CRMP1: variants seen among roughly 807,000 people sequenced by gnomAD.
The protein encoded by CRMP1 is dihydropyrimidinase-related protein 1.
CRMP1 carries 19 observed loss-of-function variants against 68.3 expected under a neutral mutation model. The observed-to-expected ratio is 0.28, with a 90% CI of 0.19 to 0.41. The LOEUF is 0.41. Ranked by LOEUF, CRMP1 falls within the 10% of genes least tolerant of loss-of-function variation. CRMP1 has a pLI of 1.00. For missense variants in CRMP1, 791 were observed against 967.4 expected, an observed-to-expected ratio of 0.82 and a Z score of 2.42; for synonymous variants, 439 against 399.6, an observed-to-expected ratio of 1.10 and a Z score of -1.18.
At position 5,834,011 on chromosome 4, in the gene CRMP1, A is replaced by C. The variant is rs554803451; in HGVS notation, c.1623+1904T>G. Among the ~76,000 whole-genome samples, 6 of 152,306 alleles carry C rather than the reference A, an allele frequency of 3.9e-5. No homozygotes were observed. In the South Asian group the frequency reaches 1.2e-3, roughly 32 times the overall value. On this transcript the variant is annotated intron_variant, in intron 11 of 13. Coordinates refer to ENST00000324989, the MANE Select transcript of CRMP1 (RefSeq NM_001014809.3). The surrounding 1 kb of genome is among the most constrained non-coding windows in gnomAD (Gnocchi z 4.3). The stretch of plus-strand genomic sequence containing the variant: ...CAGTGAGCCGAGATTGCGCCACTGC[A>C]CTCCAGCCTGGGCAACAGAGCAAGA...
At chr4:5,832,170 G>A (rs1487730733) in intron 11 of CRMP1, among the ~76,000 whole-genome samples, 1 of 152,186 alleles carries the variant, frequency 6.6e-6, no homozygotes, top group East Asian at 1.9e-4. Context: ...AGGGAATGGG[G>A]GTGAGAGAGA....
At position 5,860,934 on chromosome 4, in the gene CRMP1, A is replaced by G. The variant is rs41264689; in HGVS notation, c.655+92T>C. 0.024 allele frequency: 32,043 copies of G among 1,314,032 alleles called. 1,715 individuals are homozygous for G. The highest frequency in any genetic ancestry group is 0.21 in the African/African-American group (14,283 of 68,588). 81.4% of individuals were successfully genotyped at this position (1,314,032 alleles called of 1,614,324 possible). A position where few individuals can be genotyped will look rare whatever the true frequency, so the allele number is the denominator to read the frequency against. ...TGAAATCCAATGGCACCCTGGGCAG[A>G]GAGCCTCGAACACACTGAGCACTTG... is the stretch of plus-strand genomic sequence containing the variant. On this transcript the variant is annotated intron_variant, in intron 3 of 13. Coordinates refer to ENST00000324989, the MANE Select transcript of CRMP1 (RefSeq NM_001014809.3). This position sits in a 1 kb window ranked among gnomAD's most constrained non-coding sequence, Gnocchi z 4.2.
rs532484477 is a variant in CRMP1, at chr4:5,842,962, T to C, written c.1032+131A>G. On this transcript the variant is annotated intron_variant, in intron 7 of 13. Transcript: ENST00000324989. The surrounding 1 kb of genome is among the most constrained non-coding windows in gnomAD (Gnocchi z 4.5). ...CCCAGGGTTCCCGGGGAAAACAAGA[T>C]GGTTTGGGATGGTCTGGGAGAGGAC... 15 of 800,294 alleles carry C rather than the reference T, an allele frequency of 1.9e-5. No individual in the cohort carries two copies. The African/African-American group carries it at 2.6e-4, about 14-fold the overall frequency. The allele number at this position is 800,294 out of a possible 1,614,324, so 49.6% of individuals were successfully genotyped here.
Position 5,872,647 on chromosome 4 carries a change from G to A in CRMP1, c.382-5891C>T, listed in dbSNP as rs181813703. Among the ~76,000 whole-genome samples the A allele has an allele frequency of 1.6e-4, 25 of 152,238 alleles. No homozygotes were observed. Among genetic ancestry groups the A allele is most frequent in the East Asian group, 9.7e-4 (5 of 5,180 alleles). On this transcript the variant is annotated intron_variant, in intron 1 of 13. Coordinates refer to ENST00000324989, the MANE Select transcript of CRMP1 (RefSeq NM_001014809.3). This position sits in a 1 kb window ranked among gnomAD's most constrained non-coding sequence, Gnocchi z 4.6. ...GGTTGCAGTGAGCTGAGATCGCACC[G>A]CTGCAGTCCAGCCTGGGCAACAGAG...
intron 1 of CRMP1, among the ~76,000 whole-genome samples, chr4:5,875,398 GAA>G (rs10561614): frequency 0.13 from 17,424 of 137,398 alleles, 1,009 homozygotes; most frequent in Middle Eastern, 0.22. Context: ...CTAGATTTTA[GAA>G]AAAAAAAAAA....
chr4:5,837,192 T>C (rs2152458438), intron 9 of CRMP1, among the ~76,000 whole-genome samples: 1 of 152,358 alleles, frequency 6.6e-6, no homozygotes, highest in South Asian at 2.1e-4. Flanking sequence ...GTGTTTGTGC[T>C]GTGCTTGCAG....
intron 4 of CRMP1, among the ~76,000 whole-genome samples, chr4:5,852,774 T>C (rs537250090): frequency 6.6e-6 from 1 of 151,628 alleles, no homozygotes; most frequent in Admixed American, 6.6e-5. Flanking sequence ...AAAGACAACT[T>C]AGTCTGATGA....
intron 12 of CRMP1, chr4:5,827,903 T>G (rs924353600): frequency 4.4e-6 from 2 of 451,780 alleles, no homozygotes; most frequent in African/African-American, 4.3e-5. Flanking sequence ...GCTCTAAAGT[T>G]AGGAATAGAG....
intron 3 of CRMP1, among the ~76,000 whole-genome samples, chr4:5,857,114 C>T (rs199930585): frequency 3.7e-4 from 30 of 82,062 alleles, no homozygotes; most frequent in Admixed American, 1.8e-3. Context: ...ACCACCACCA[C>T]AATCATCACC....
In CRMP1 at chr4:5,880,374, C is replaced by G. The variant is rs368768163; in HGVS notation, c.381+12215G>C. 2.0e-5 allele frequency among the ~76,000 whole-genome samples: 3 copies of G among 152,168 alleles called. No homozygotes were observed. The East Asian group carries it at 5.8e-4, about 29-fold the overall frequency. ...TTATTAGACCTTAAGCCCTAAGGGT[C>G]TATGGATATGGTATGATTTAAAAAT... On this transcript the variant is annotated intron_variant, in intron 1 of 13. Transcript: ENST00000324989.
In CRMP1 at chr4:5,842,445, A is replaced by G. The variant is rs1297392807; in HGVS notation, c.1032+648T>C. Among the ~76,000 whole-genome samples, 2 of 151,246 alleles carry G rather than the reference A, an allele frequency of 1.3e-5. No homozygotes were observed. The highest frequency in any genetic ancestry group is 4.9e-5 in the African/African-American group (2 of 41,148). ...CTCCATCTCAAAAAAAAAAAAAAAA[A>G]AAGAAAAGAAAGAAAGAAAGTAAAA... On this transcript the variant is annotated intron_variant, in intron 7 of 13. Transcript: ENST00000324989. This position sits in a 1 kb window ranked among gnomAD's most constrained non-coding sequence, Gnocchi z 4.5.
At chr4:5,864,607 C>T (rs1327194245) in intron 2 of CRMP1, among the ~76,000 whole-genome samples, 3 of 152,114 alleles carry the variant, frequency 2.0e-5, no homozygotes, top group Non-Finnish European at 4.4e-5. Context: ...GGTCAAGGAG[C>T]GATGCAGTGT....
chr4:5,887,299 G>T (rs777903812), intron 1 of CRMP1: 1 of 943,104 alleles, frequency 1.1e-6, no homozygotes, highest in Non-Finnish European at 1.3e-6. Context: ...GAGCAGGCTG[G>T]GTCTCCAGTA....
Position 5,839,619 on chromosome 4 carries a change from A to G in CRMP1, c.1213T>C (p.Trp405Arg), listed in dbSNP as rs1238198804. 1 of 1,613,368 alleles carries G rather than the reference A, an allele frequency of 6.2e-7. No individual in the cohort carries two copies. Among genetic ancestry groups the G allele is most frequent in the Admixed American group, 1.7e-5 (1 of 59,920 alleles). ...ASLGTDGTHY[W>R]SKNWAKAAAF... is the part of the protein sequence containing the mutation. ...GCAGCCTTGGCCCAGTTCTTGCTCC[A>G]GTAATGGGTGCCATCGGTCCCCAGG... Residue 405 changes from tryptophan (W) to arginine (R), a missense_variant, in exon 9 of 14, where the codon TGG (tryptophan) becomes CGG (arginine). Coordinates refer to ENST00000324989, the MANE Select transcript of CRMP1 (RefSeq NM_001014809.3).
chr4:5,849,148 C>T, intron 6 of CRMP1, among the ~76,000 whole-genome samples: 1 of 152,208 alleles, frequency 6.6e-6, no homozygotes, highest in East Asian at 1.9e-4. Flanking sequence ...CTGGGCTTTT[C>T]CATGATGCCC....
chr4:5,839,472 T>C, intron 9 of CRMP1, 50 bp downstream of exon 9: 1 of 1,559,762 alleles, frequency 6.4e-7, no homozygotes, highest in Non-Finnish European at 8.7e-7. Context: ...ACTCTCTGCC[T>C]CCAAAGGCCC....
At chr4:5,824,767 G>T (rs541383927) in intron 13 of CRMP1, 201 of 984,338 alleles carry the variant, frequency 2.0e-4, no homozygotes, top group Middle Eastern at 1.6e-3. Flanking sequence ...ACCCAGCACG[G>T]TGTGCAACCC....
chr4:5,827,035 G>T (rs1406371972), intron 12 of CRMP1, among the ~76,000 whole-genome samples: 3 of 152,212 alleles, frequency 2.0e-5, no homozygotes, highest in African/African-American at 7.2e-5. Context: ...AAGCTCAGGT[G>T]GCCAGAGGCA....
intron 12 of CRMP1, chr4:5,827,909 T>C (rs934390775): frequency 6.2e-6 from 3 of 482,348 alleles, no homozygotes; most frequent in African/African-American, 2.1e-5. Context: ...AAGTTAGGAA[T>C]AGAGCCTGCT....
Sources: allele counts gnomAD v4.1 joint callset (sites outside exome capture counted in the v4.1 genomes callset), GRCh38; gene constraint gnomAD v4.1.1; non-coding constraint Gnocchi (gnomAD v3.1); transcripts MANE v1.5; gene names NCBI Gene and HGNC (gene_info 2026-07-23, HGNC 2026-07-21).